The following HAUS1 variants were observed in gnomAD, a reference collection of about 807,000 sequenced individuals.
The protein encoded by HAUS1 is HAUS augmin like complex subunit 1, also known as HAUS augmin-like complex subunit 1.
A neutral mutation model predicts 38.6 loss-of-function variants in HAUS1; 25 were observed. The observed-to-expected ratio is 0.65, with a 90% CI of 0.47 to 0.91. The LOEUF (loss-of-function observed/expected upper bound fraction) is 0.91, where lower values mean the gene tolerates loss of function less well. Ranked by LOEUF, HAUS1 falls within the 40% of genes least tolerant of loss-of-function variation. The pLI is 0.00. For missense variants in HAUS1, 325 were observed against 328.4 expected, an observed-to-expected ratio of 0.99 and a Z score of 0.08; for synonymous variants, 109 against 112.9, an observed-to-expected ratio of 0.97 and a Z score of 0.22.
At position 46,105,208 on chromosome 18, in the gene HAUS1, A is replaced by T; in HGVS notation, c.45A>T (p.Leu15Phe). The change falls in exon 2 of 9, where the codon TTA (leucine) becomes TTT (phenylalanine). Residue 15 changes from leucine to phenylalanine, a missense_variant. Coordinates refer to ENST00000282058, the MANE Select transcript of HAUS1 (RefSeq NM_138443.4). Reference protein sequence around the residue: ...EERETQVAAWLKKIFGDHPIP... With the variant: ...EERETQVAAWFKKIFGDHPIP... ...TTAATGGTTAGGTTGCTGCGTGGTT[A>T]AAAAAAATATTTGGAGATCATCCTA... is the stretch of plus-strand genomic sequence containing the variant. 6.4e-7 allele frequency: 1 copy of T among 1,552,316 alleles called. No individual in the cohort carries two copies. The highest frequency in any genetic ancestry group is 8.8e-7 in the Non-Finnish European group (1 of 1,138,220).
Position 46,128,029 on chromosome 18 carries a change from G to A in HAUS1, c.787-46G>A, listed in dbSNP as rs769161045. The A allele has an allele frequency of 1.3e-5, 15 of 1,114,586 alleles. No homozygotes were observed. In the Middle Eastern group the frequency reaches 6.4e-4, roughly 48 times the overall value. 69.0% of individuals were successfully genotyped at this position (1,114,586 alleles called of 1,614,324 possible). A position where few individuals can be genotyped will look rare whatever the true frequency, so the allele number is the denominator to read the frequency against. ...TAAATAACATTAAATAAAAGTTAGAGCATCTGTTTTATGTCCTTATCTATG... is the reference window on the plus strand; with the variant it reads ...TAAATAACATTAAATAAAAGTTAGAACATCTGTTTTATGTCCTTATCTATG... On this transcript the variant is annotated intron_variant, in intron 8 of 8. Coordinates refer to ENST00000282058, the MANE Select transcript of HAUS1 (RefSeq NM_138443.4).
chr18:46,128,068 C>T lies in HAUS1; in HGVS notation c.787-7C>T, dbSNP rs369208933. On this transcript the variant is annotated splice_polypyrimidine_tract_variant and splice_region_variant and intron_variant, in intron 8 of 8. Coordinates refer to ENST00000282058, the MANE Select transcript of HAUS1 (RefSeq NM_138443.4). ...TCCTTATCTATGGTATGTCTTTCTT[C>T]CTGTAGGATAGCATTGAAGCTGAAC... 1.3e-5 allele frequency: 20 copies of T among 1,548,196 alleles called. No homozygotes were observed. The African/African-American group carries it at 2.1e-4, about 16-fold the overall frequency.
chr18:46,114,445 G>T (rs558928278), intron 2 of HAUS1, among the ~76,000 whole-genome samples: 1 of 152,286 alleles, frequency 6.6e-6, no homozygotes, highest in South Asian at 2.1e-4. Context: ...TATAGGAACT[G>T]CTTGGTAGAG....
Position 46,107,366 on chromosome 18 carries a change from G to A in HAUS1, c.205+1998G>A, listed in dbSNP as rs1911507028. Among the ~76,000 whole-genome samples the A allele has an allele frequency of 2.0e-5, 3 of 152,040 alleles. No homozygotes were observed. In the South Asian group the frequency reaches 6.2e-4, roughly 32 times the overall value. On this transcript the variant is annotated intron_variant, in intron 2 of 8. Transcript: ENST00000282058. ...CATATACTGTAACCAAAAATCTAAG[G>A]ATTTCAAAGTAAAATTATTTATGTC...
chr18:46,105,229 T>C lies in HAUS1; in HGVS notation c.66T>C (p.His22=). 6.2e-7 allele frequency: 1 copy of C among 1,612,108 alleles called. No individual in the cohort carries two copies. The highest frequency in any genetic ancestry group is 8.5e-7 in the Non-Finnish European group (1 of 1,179,496). ...AAWLKKIFGD[H]PIPQYEVNPR... ...GGTTAAAAAAAATATTTGGAGATCA[T>C]CCTATTCCACAGTATGAGGTGAACC... The change falls in exon 2 of 9, where the codon CAT becomes CAC. Residue 22 remains histidine (H), a synonymous_variant. Transcript: ENST00000282058.
In HAUS1 at chr18:46,127,580, G is replaced by A. The variant is rs565913987; in HGVS notation, c.787-495G>A. 9.2e-5 allele frequency among the ~76,000 whole-genome samples: 14 copies of A among 151,928 alleles called. No individual in the cohort carries two copies. The East Asian group carries it at 2.7e-3, about 30-fold the overall frequency. On this transcript the variant is annotated intron_variant, in intron 8 of 8. Transcript: ENST00000282058. The stretch of plus-strand genomic sequence containing the variant: ...AAATTAGCCGGGCATGGTGGTGGGC[G>A]CCTGTAATCTCAGCTAGTCGGGAGA...
chr18:46,122,538 A>T lies in HAUS1; in HGVS notation c.548A>T (p.Asp183Val), dbSNP rs761402905. Residue 183 changes from aspartate to valine, a missense_variant, in exon 5 of 9, where the codon GAC becomes GTC. Coordinates refer to ENST00000282058, the MANE Select transcript of HAUS1 (RefSeq NM_138443.4). ...GTTGATAATCGTCGTCAGAACATGG[A>T]CTTTCTAAAAGCAAAGTCAGAGGAA... ...AKVDNRRQNM[D>V]FLKAKSEEFR... 1.9e-6 allele frequency: 3 copies of T among 1,614,144 alleles called. No individual in the cohort carries two copies. Among genetic ancestry groups the T allele is most frequent in the Non-Finnish European group, 2.5e-6 (3 of 1,179,990 alleles).
intron 2 of HAUS1, among the ~76,000 whole-genome samples, chr18:46,106,449 A>G (rs113786880): frequency 6.6e-6 from 1 of 151,738 alleles, no homozygotes; most frequent in African/African-American, 2.4e-5. Flanking sequence ...AGCCTGGGCG[A>G]CAGAGCAAGA....
chr18:46,104,476 G>T, intron 1 of HAUS1, 35 bp downstream of exon 1: 2 of 1,452,896 alleles, frequency 1.4e-6, no homozygotes, highest in Non-Finnish European at 1.8e-6. Flanking sequence ...TTGGCCTCCT[G>T]GAAAACGCGT....
chr18:46,125,846 T>C (rs1366885227), intron 8 of HAUS1, 55 bp downstream of exon 8: 1 of 1,115,748 alleles, frequency 9.0e-7, no homozygotes, highest in East Asian at 2.4e-5. Context: ...TAAATGCTAA[T>C]ATAGCTAAAG....
intron 2 of HAUS1, among the ~76,000 whole-genome samples, chr18:46,108,240 A>G (rs1032157257): frequency 1.3e-5 from 2 of 148,854 alleles, no homozygotes; most frequent in Non-Finnish European, 3.0e-5. Flanking sequence ...ATTTTTGTAG[A>G]CACCCTTTGT....
At chr18:46,125,573 A>G (rs1039009739) in intron 7 of HAUS1, among the ~76,000 whole-genome samples, 171 bp from the exon 8 acceptor site, 1 of 151,640 alleles carries the variant, frequency 6.6e-6, no homozygotes, top group Non-Finnish European at 1.5e-5. Context: ...GAAAGAAAAT[A>G]ATGTGTTGGT....
intron 6 of HAUS1, among the ~76,000 whole-genome samples, chr18:46,124,098 T>C (rs1912028457): frequency 6.6e-6 from 1 of 152,064 alleles, no homozygotes; most frequent in African/African-American, 2.4e-5. Flanking sequence ...ACAGCATACT[T>C]CAATCCTATT....
intron 5 of HAUS1, 66 bp downstream of exon 5, chr18:46,122,656 C>A (rs1051888301): frequency 2.4e-5 from 37 of 1,564,982 alleles, no homozygotes; most frequent in Non-Finnish European, 3.2e-5. Flanking sequence ...ATCCTCACAG[C>A]TAGGCATTAT....
intron 2 of HAUS1, among the ~76,000 whole-genome samples, chr18:46,111,093 G>T (rs1258862129): frequency 1.3e-5 from 2 of 151,700 alleles, no homozygotes; most frequent in East Asian, 3.9e-4. Flanking sequence ...AGCCAGAATG[G>T]TCTTGATCTC....
At position 46,128,275 on chromosome 18, in the gene HAUS1, G is replaced by T; in HGVS notation, c.*150G>T. Reference sequence around the variant, plus strand: ...AATTGATAGAATATGGTTTCTTACTGTGTGTTGCATTTTTGTGCCCAAATA... The same window carrying T: ...AATTGATAGAATATGGTTTCTTACTTTGTGTTGCATTTTTGTGCCCAAATA... On this transcript the variant is annotated 3_prime_UTR_variant, in exon 9 of 9. Coordinates refer to ENST00000282058, the MANE Select transcript of HAUS1 (RefSeq NM_138443.4). 2.1e-6 allele frequency: 1 copy of T among 482,944 alleles called. No individual in the cohort carries two copies. The highest frequency in any genetic ancestry group is 2.0e-5 in the African/African-American group (1 of 49,944). The allele number at this position is 482,944 out of a possible 1,614,324, so 29.9% of individuals were successfully genotyped here. A position where few individuals can be genotyped will look rare whatever the true frequency, so the allele number is the denominator to read the frequency against.
At chr18:46,127,347 A>G (rs1050622525) in intron 8 of HAUS1, among the ~76,000 whole-genome samples, 1 of 152,052 alleles carries the variant, frequency 6.6e-6, no homozygotes, top group Non-Finnish European at 1.5e-5. Context: ...ATTGGGAGAA[A>G]GAAAATTGCA....
chr18:46,114,954 A>G (rs1260644316), intron 2 of HAUS1: 1 of 151,932 alleles, frequency 6.6e-6, no homozygotes, highest in Non-Finnish European at 1.5e-5. Flanking sequence ...CTTTCTTCTG[A>G]TTTTCACCAG....
intron 2 of HAUS1, among the ~76,000 whole-genome samples, chr18:46,112,247 A>G (rs1216918819): frequency 7.0e-6 from 1 of 142,746 alleles, no homozygotes; most frequent in Non-Finnish European, 1.5e-5. Context: ...TAATATATAT[A>G]TAATGTGTAT....
Sources: allele counts gnomAD v4.1 joint callset (sites outside exome capture counted in the v4.1 genomes callset), GRCh38; gene constraint gnomAD v4.1.1; transcripts MANE v1.5; gene names NCBI Gene and HGNC (gene_info 2026-07-23, HGNC 2026-07-21).